The following IFT140 variants were observed in gnomAD, a reference collection of about 807,000 sequenced individuals.
IFT140 encodes intraflagellar transport protein 140 homolog.
IFT140 carries 133 observed loss-of-function variants against 164.6 expected under a neutral mutation model. The ratio of observed to expected loss-of-function variants is 0.81; its 90% confidence interval spans 0.70 to 0.93. The LOEUF (loss-of-function observed/expected upper bound fraction) is 0.93. Ranked by LOEUF, IFT140 falls within the 40% of genes least tolerant of loss-of-function variation. IFT140 has a pLI of 0.00. For missense variants in IFT140, 2,045 were observed against 1,972.3 expected, an observed-to-expected ratio of 1.04 and a Z score of -0.70; for synonymous variants, 860 against 817.3, an observed-to-expected ratio of 1.05 and a Z score of -0.89.
intron 21 of IFT140, among the ~76,000 whole-genome samples, 160 bp from the exon 22 acceptor site, chr16:1,525,486 G>C (rs1332112758): frequency 1.3e-5 from 2 of 152,112 alleles, no homozygotes; most frequent in Admixed American, 6.5e-5. Flanking sequence ...CACGTGGCCA[G>C]GGGGCAGTGG....
chr16:1,598,726 T>C (rs2035593328), intron 4 of IFT140, among the ~76,000 whole-genome samples: 2 of 152,246 alleles, frequency 1.3e-5, no homozygotes, highest in South Asian at 4.1e-4. Flanking sequence ...CCGGGACCCA[T>C]CTGCACCCCC....
chr16:1,541,541 G>A (rs2031635053), intron 19 of IFT140: 1 of 980,002 alleles, frequency 1.0e-6, no homozygotes. Flanking sequence ...TGACAGGGAA[G>A]CCGGTGTTGC....
chr16:1,580,917 GC>G, intron 12 of IFT140, 67 bp from the exon 13 acceptor site: 1 of 1,040,178 alleles, frequency 9.6e-7, no homozygotes, highest in Non-Finnish European at 1.5e-6. Context: ...AGTTTCAGGA[GC>G]ATTCCCACAC....
chr16:1,524,480 C>T, intron 24 of IFT140, 72 bp downstream of exon 24: 1 of 1,564,752 alleles, frequency 6.4e-7, no homozygotes, highest in Non-Finnish European at 8.6e-7. Context: ...TTCTCTCTGT[C>T]CACTTTTCCA....
chr16:1,530,137 T>TC (rs1403410611), intron 19 of IFT140, among the ~76,000 whole-genome samples: 10 of 135,912 alleles, frequency 7.4e-5, no homozygotes, highest in Non-Finnish European at 1.1e-4. Flanking sequence ...GGGAATCTTT[T>TC]TTTTTTTTTT....
Position 1,589,795 on chromosome 16 carries a change from G to A in IFT140, c.635-15C>T. 6.2e-7 allele frequency: 1 copy of A among 1,606,230 alleles called. No individual in the cohort carries two copies. On this transcript the variant is annotated splice_polypyrimidine_tract_variant and intron_variant, in intron 6 of 30. Transcript: ENST00000426508. Reference sequence around the variant, plus strand: ...GTGCACTGTCCCTGGGGACAAACGTGGGGTCACTACATGAGGAGGCCCTGG... The same window carrying A: ...GTGCACTGTCCCTGGGGACAAACGTAGGGTCACTACATGAGGAGGCCCTGG...
Position 1,566,275 on chromosome 16 carries a change from T to C in IFT140, c.1787A>G (p.Asp596Gly), listed in dbSNP as rs759576008. ...ILPSKADNSP[D>G]SKICFYDVEM... Reference sequence around the variant, plus strand: ...AACATCGTAGAAGCAGATTTTGGAATCAGGGCTGTTGTCAGCCTAGGAGAA... The same window carrying C: ...AACATCGTAGAAGCAGATTTTGGAACCAGGGCTGTTGTCAGCCTAGGAGAA... The change falls in exon 16 of 31, where the codon GAT becomes GGT. Residue 596 changes from aspartate to glycine, a missense_variant. Coordinates refer to ENST00000426508, the MANE Select transcript of IFT140 (RefSeq NM_014714.4). The C allele has an allele frequency of 1.2e-6, 2 of 1,613,592 alleles. No individual in the cohort carries two copies. Among genetic ancestry groups the C allele is most frequent in the South Asian group, 2.2e-5 (2 of 91,074 alleles).
chr16:1,538,270 G>T (rs2031279715), intron 19 of IFT140, among the ~76,000 whole-genome samples: 1 of 152,224 alleles, frequency 6.6e-6, no homozygotes, highest in South Asian at 2.1e-4. Flanking sequence ...GCTGCACAGA[G>T]CCCCTGCCAT....
chr16:1,566,122 C>A, intron 16 of IFT140, 39 bp downstream of exon 16: 1 of 1,602,918 alleles, frequency 6.2e-7, no homozygotes, highest in Non-Finnish European at 8.5e-7. Context: ...AACTGAACAT[C>A]ATTTTTTCCA....
intron 10 of IFT140, 79 bp downstream of exon 10, chr16:1,586,051 G>A (rs1246384083): frequency 4.5e-6 from 7 of 1,565,352 alleles, no homozygotes; most frequent in Admixed American, 3.3e-5. Flanking sequence ...GATTACAGGC[G>A]TGAGCCACCG....
intron 19 of IFT140, among the ~76,000 whole-genome samples, chr16:1,552,299 G>T (rs957594676): frequency 1.4e-4 from 22 of 152,062 alleles, no homozygotes; most frequent in Non-Finnish European, 2.2e-4. Context: ...GCTGGGCTGG[G>T]ACTCTCCCCA....
At position 1,525,960 on chromosome 16, in the gene IFT140, G is replaced by A; in HGVS notation, c.2695C>T (p.His899Tyr). 3 of 1,583,148 alleles carry A rather than the reference G, an allele frequency of 1.9e-6. No homozygotes were observed. The highest frequency in any genetic ancestry group is 2.6e-6 in the Non-Finnish European group (3 of 1,165,950). ...TAGCGGTGGTAGGTGCTGCGCAGGT[G>A]CACGCGATCGTGGTGCTCGGCTACC... ...LQVAEHHDRV[H>Y]LRSTYHRYAG... The change falls in exon 21 of 31, where the codon CAC becomes TAC. Residue 899 changes from histidine (H) to tyrosine (Y), a missense_variant. Physicochemically the swap from His to Tyr is moderately conservative, Grantham distance 83 (BLOSUM62 2). Coordinates refer to ENST00000426508, the MANE Select transcript of IFT140 (RefSeq NM_014714.4).
rs200975046 is a variant in IFT140, at chr16:1,586,139, C to T, written c.1146G>A (p.Thr382=). Residue 382 remains threonine (T), a synonymous_variant, in exon 10 of 31, where the codon ACG becomes ACA. Coordinates refer to ENST00000426508, the MANE Select transcript of IFT140 (RefSeq NM_014714.4). ...QTPTELQGNI[T]QIQWGSRKNL... is the part of the protein sequence containing the mutation. ...CCCTTGGAGGCTGTACCTGGATTTG[C>T]GTGATGTTTCCTTGGAGCTCGGTAG... The T allele has an allele frequency of 6.4e-5, 103 of 1,613,008 alleles. No individual in the cohort carries two copies. The highest frequency in any genetic ancestry group is 2.1e-4 in the African/African-American group (16 of 75,024).
chr16:1,570,737 C>T (rs186998779), intron 14 of IFT140, among the ~76,000 whole-genome samples: 7 of 152,242 alleles, frequency 4.6e-5, no homozygotes, highest in Non-Finnish European at 8.8e-5. Flanking sequence ...TTCTGTGTTC[C>T]GTCCTGGGGT....
At chr16:1,546,605 T>C (rs1273607539) in intron 19 of IFT140, among the ~76,000 whole-genome samples, 1 of 152,206 alleles carries the variant, frequency 6.6e-6, no homozygotes, top group East Asian at 1.9e-4. Flanking sequence ...ACGTGCTCCC[T>C]GGTGCAGCAC....
intron 21 of IFT140, 82 bp downstream of exon 21, chr16:1,525,805 C>T: frequency 7.4e-7 from 1 of 1,356,272 alleles, no homozygotes; most frequent in Non-Finnish European, 9.8e-7. Context: ...TCCCTGGCCA[C>T]CTCACCACAG....
At position 1,518,092 on chromosome 16, in the gene IFT140, C is replaced by T. The variant is rs574943106; in HGVS notation, c.4182+124G>A. On this transcript the variant is annotated intron_variant, in intron 30 of 30. Transcript: ENST00000426508. ...GGCTCAAGTCATTCTCCTGCCTCAG[C>T]CTCCCAAAGTGCTGGGATTACAGGA... 1.7e-3 allele frequency: 1,515 copies of T among 914,440 alleles called. 7 individuals are homozygous for T. Among genetic ancestry groups the T allele is most frequent in the Non-Finnish European group, 1.6e-3 (1,000 of 612,880 alleles). The allele number at this position is 914,440 out of a possible 1,614,324, so 56.6% of individuals were successfully genotyped here. A position where few individuals can be genotyped will look rare whatever the true frequency, so the allele number is the denominator to read the frequency against.
intron 12 of IFT140, among the ~76,000 whole-genome samples, chr16:1,581,594 T>TG (rs2034561004): frequency 6.6e-6 from 1 of 151,076 alleles, no homozygotes; most frequent in Admixed American, 6.6e-5. Context: ...AGCAAGACTG[T>TG]CTCAGAAAGA....
At chr16:1,557,203 G>A (rs968869193) in intron 19 of IFT140, among the ~76,000 whole-genome samples, 7 of 152,200 alleles carry the variant, frequency 4.6e-5, no homozygotes, top group African/African-American at 7.2e-5. Flanking sequence ...CAGAGGGGCC[G>A]GGCGGTGCTG....
Sources: gnomAD v4.1 joint callset for allele counts (sites outside exome capture counted in the v4.1 genomes callset) on GRCh38, gnomAD v4.1.1 for gene constraint, MANE v1.5 for transcripts, NCBI Gene and HGNC (gene_info 2026-07-23, HGNC 2026-07-21) for gene names.